ZNF804B: variants seen among roughly 807,000 people sequenced by gnomAD.
The protein encoded by ZNF804B is zinc finger 804B.
A neutral mutation model predicts 101.4 loss-of-function variants in ZNF804B; 80 were observed. The ratio of observed to expected loss-of-function variants is 0.79; its 90% CI spans 0.66 to 0.95. ZNF804B has a LOEUF of 0.95. Ranked by LOEUF, ZNF804B falls within the 40% of genes least tolerant of loss-of-function variation. The probability of loss-of-function intolerance (pLI) is 0.00; values close to 1 mark genes in which losing one functional copy is unlikely to be tolerated. For synonymous variants in ZNF804B, 622 were observed against 558.8 expected, an observed-to-expected ratio of 1.11 and a Z score of -1.59; for missense variants, 1,673 against 1,561.9, an observed-to-expected ratio of 1.07 and a Z score of -1.20.
chr7:89,217,783 G>A (rs1230649387), intron 1 of ZNF804B, among the ~76,000 whole-genome samples: 2 of 152,222 alleles, frequency 1.3e-5, no homozygotes, highest in Non-Finnish European at 1.5e-5. Context: ...TCATTTGGCT[G>A]AAGATAGAAT....
chr7:89,102,542 A>G (rs193263516), intron 1 of ZNF804B, among the ~76,000 whole-genome samples: 2 of 151,656 alleles, frequency 1.3e-5, no homozygotes, highest in East Asian at 3.9e-4. Context: ...TGTTTGTTGC[A>G]TCTTGAGTTG....
In ZNF804B at chr7:88,968,055, T is replaced by A. The variant is rs540369597; in HGVS notation, c.108+207971T>A. Among the ~76,000 whole-genome samples, 216 of 151,614 alleles carry A rather than the reference T, an allele frequency of 1.4e-3. 1 individual carries two copies. The highest frequency in any genetic ancestry group is 5.8e-3 in the South Asian group (28 of 4,826). On this transcript the variant is annotated intron_variant, in intron 1 of 3. Transcript: ENST00000333190. ...TTAAAAAATAAGAGTGTGACTATAT[T>A]CTAACCTTTCAAAAAAAATTCATCA...
intron 1 of ZNF804B, among the ~76,000 whole-genome samples, chr7:89,097,170 C>A (rs931214793): frequency 6.6e-6 from 1 of 152,206 alleles, no homozygotes; most frequent in African/African-American, 2.4e-5. Context: ...TTTCTGCAAT[C>A]CCCGTCCCTC....
chr7:89,200,234 A>T (rs1317578759), intron 1 of ZNF804B, among the ~76,000 whole-genome samples: 1 of 151,948 alleles, frequency 6.6e-6, no homozygotes, highest in African/African-American at 2.4e-5. Flanking sequence ...TAGATGTAAC[A>T]TGCTTCCTTC....
chr7:89,255,426 AT>A (rs1022670245), intron 2 of ZNF804B, among the ~76,000 whole-genome samples: 2 of 152,208 alleles, frequency 1.3e-5, no homozygotes, highest in African/African-American at 4.8e-5. Flanking sequence ...AAGTAAAAAA[AT>A]GGGACAAAAT....
chr7:88,839,220 T>C (rs985748038), intron 1 of ZNF804B, among the ~76,000 whole-genome samples: 2 of 152,006 alleles, frequency 1.3e-5, no homozygotes, highest in Non-Finnish European at 2.9e-5. Context: ...TTATCTCTGA[T>C]CAATTCTTGT....
chr7:88,894,988 A>G (rs1323465357), intron 1 of ZNF804B, among the ~76,000 whole-genome samples: 1 of 152,220 alleles, frequency 6.6e-6, no homozygotes, highest in Non-Finnish European at 1.5e-5. Flanking sequence ...ATTAATGTAT[A>G]CACTTTAAGA....
chr7:89,005,796 GC>G (rs755081378), intron 1 of ZNF804B, among the ~76,000 whole-genome samples: 2 of 151,992 alleles, frequency 1.3e-5, no homozygotes, highest in Non-Finnish European at 2.9e-5. Context: ...TCATTACATT[GC>G]AGACCTTCCA....
intron 1 of ZNF804B, among the ~76,000 whole-genome samples, chr7:89,079,338 A>G (rs1789660835): frequency 6.6e-6 from 1 of 151,990 alleles, no homozygotes; most frequent in Non-Finnish European, 1.5e-5. Flanking sequence ...TTGCAGTTCT[A>G]TGTTTAGCAA....
chr7:88,933,176 G>T (rs181722287), intron 1 of ZNF804B, among the ~76,000 whole-genome samples: 94 of 151,652 alleles, frequency 6.2e-4, no homozygotes, highest in African/African-American at 2.2e-3. Context: ...GTCACATAAA[G>T]AGAATTAAAA....
At chr7:89,110,608 T>C (rs1252577451) in intron 1 of ZNF804B, among the ~76,000 whole-genome samples, 5 of 152,118 alleles carry the variant, frequency 3.3e-5, no homozygotes, top group African/African-American at 1.2e-4. Flanking sequence ...GTATAGAGGG[T>C]TCTATATGCT....
chr7:89,105,164 C>T (rs1377313278), intron 1 of ZNF804B, among the ~76,000 whole-genome samples: 1 of 152,038 alleles, frequency 6.6e-6, no homozygotes, highest in East Asian at 1.9e-4. Context: ...TATAATTCTG[C>T]CCTTCAGGGG....
At position 89,221,111 on chromosome 7, in the gene ZNF804B, A is replaced by G. The variant is rs1352576097; in HGVS notation, c.249+2816A>G. On this transcript the variant is annotated intron_variant, in intron 2 of 3. Transcript: ENST00000333190. Reference sequence around the variant, plus strand: ...GAGTTGAGGTACTATCAGATTATTGATCCATTTATCATTAAGTTTCCACTG... The same window carrying G: ...GAGTTGAGGTACTATCAGATTATTGGTCCATTTATCATTAAGTTTCCACTG... Among the ~76,000 whole-genome samples the G allele has an allele frequency of 6.6e-5, 10 of 152,050 alleles. No homozygotes were observed. The East Asian group carries it at 1.7e-3, about 26-fold the overall frequency.
At chr7:89,313,286 C>T (rs114253381) in intron 2 of ZNF804B, among the ~76,000 whole-genome samples, 9 of 152,076 alleles carry the variant, frequency 5.9e-5, no homozygotes, top group African/African-American at 1.2e-4. Context: ...TTTGCCTTGG[C>T]GTTTTACTCT....
At chr7:89,229,550 A>G (rs1250502790) in intron 2 of ZNF804B, among the ~76,000 whole-genome samples, 8 of 152,238 alleles carry the variant, frequency 5.3e-5, no homozygotes, top group Non-Finnish European at 1.2e-4. Flanking sequence ...ACAACAGAGC[A>G]TGAAAATATG....
At chr7:89,161,289 T>C (rs945963774) in intron 1 of ZNF804B, among the ~76,000 whole-genome samples, 5 of 151,904 alleles carry the variant, frequency 3.3e-5, no homozygotes, top group Admixed American at 1.3e-4. Context: ...TACACTCTTC[T>C]TGAACTTATA....
intron 2 of ZNF804B, among the ~76,000 whole-genome samples, chr7:89,281,192 C>A (rs1186237539): frequency 1.3e-5 from 2 of 152,004 alleles, no homozygotes; most frequent in Non-Finnish European, 1.5e-5. Flanking sequence ...GATAAGTTGG[C>A]ATGGTTATAA....
At chr7:89,028,100 A>T (rs1328815496) in intron 1 of ZNF804B, among the ~76,000 whole-genome samples, 1 of 152,174 alleles carries the variant, frequency 6.6e-6, no homozygotes, top group Admixed American at 6.6e-5. Context: ...CCTTTGAAAC[A>T]TTTGAGTGGT....
At chr7:89,060,371 T>C (rs1789360661) in intron 1 of ZNF804B, among the ~76,000 whole-genome samples, 1 of 152,138 alleles carries the variant, frequency 6.6e-6, no homozygotes, top group Non-Finnish European at 1.5e-5. Flanking sequence ...AAGGCTGTGA[T>C]AAGTGAAGGA....
Sources: gnomAD v4.1 joint callset for allele counts (sites outside exome capture counted in the v4.1 genomes callset) on GRCh38, gnomAD v4.1.1 for gene constraint, MANE v1.5 for transcripts, NCBI Gene and HGNC (gene_info 2026-07-23, HGNC 2026-07-21) for gene names.